Variants in POLA1 observed in about 807,000 individuals in gnomAD.
The protein encoded by POLA1 is DNA polymerase alpha catalytic subunit.
In POLA1, 15 loss-of-function variants were observed where a neutral mutation model predicts 124.0. That is an observed-to-expected ratio of 0.12 (90% CI 0.08 to 0.19). The LOEUF (loss-of-function observed/expected upper bound fraction) is 0.19. Ranked by LOEUF, POLA1 falls within the 10% of genes least tolerant of loss-of-function variation. The pLI, the probability that POLA1 is intolerant of heterozygous loss-of-function variation, is 1.00. For synonymous variants in POLA1, 408 were observed against 389.4 expected, an observed-to-expected ratio of 1.05 and a Z score of -0.56; for missense variants, 886 against 1,103.4, an observed-to-expected ratio of 0.80 and a Z score of 2.79.
intron 15 of POLA1, among the ~76,000 whole-genome samples, chrX:24,731,558 A>T (rs1299187687): frequency 9.0e-6 from 1 of 111,513 alleles, no homozygotes; most frequent in Non-Finnish European, 1.9e-5. Flanking sequence ...GCTGGGTGAG[A>T]TTTTGCCTCT....
intron 35 of POLA1, among the ~76,000 whole-genome samples, chrX:24,901,036 G>A (rs1020027476): frequency 1.1e-4 from 12 of 111,607 alleles, no homozygotes; most frequent in Admixed American, 5.7e-4. Flanking sequence ...ACCTACTCTG[G>A]ACCAACACTG....
intron 26 of POLA1, among the ~76,000 whole-genome samples, chrX:24,779,024 T>G (rs2045202761): frequency 4.5e-5 from 5 of 111,990 alleles, no homozygotes. Context: ...TGGACACTAC[T>G]GATTTAGCTA....
At chrX:24,716,290 G>C (rs1276007442) in intron 6 of POLA1, 72 bp from the exon 7 acceptor site, 1 of 561,784 alleles carries the variant, frequency 1.8e-6, no homozygotes, top group African/African-American at 2.3e-5. Flanking sequence ...GCTTCAATGA[G>C]TGAAGAAGTA....
intron 26 of POLA1, among the ~76,000 whole-genome samples, chrX:24,766,893 A>G (rs1286722314): frequency 8.9e-6 from 1 of 112,264 alleles, no homozygotes. Flanking sequence ...TCTTAAAGCA[A>G]GATTGTTTAA....
chrX:24,786,886 A>G (rs2045376616), intron 26 of POLA1, among the ~76,000 whole-genome samples: 1 of 106,289 alleles, frequency 9.4e-6, no homozygotes, highest in African/African-American at 3.4e-5. Context: ...GGGTTTTGCC[A>G]TGTTGCTCAG....
At position 24,966,469 on chromosome X, in the gene POLA1, G is replaced by A. The variant is rs188107630; in HGVS notation, c.4262-29336G>A. Among the ~76,000 whole-genome samples, 225 of 110,851 alleles carry A rather than the reference G, an allele frequency of 2.0e-3. 1 individual carries two copies. Among genetic ancestry groups the A allele is most frequent in the African/African-American group, 7.1e-3 (212 of 29,978 alleles). ...CTTTTTTACTTTTTTATCCTTTTGGGTTTATCAAGTCCTTATTTTAAGATT... is the reference window on the plus strand; with the variant it reads ...CTTTTTTACTTTTTTATCCTTTTGGATTTATCAAGTCCTTATTTTAAGATT... On this transcript the variant is annotated intron_variant, in intron 36 of 36. Coordinates refer to ENST00000379068, the MANE Select transcript of POLA1 (RefSeq NM_001330360.2).
chrX:24,959,721 T>C (rs964681176), intron 36 of POLA1, among the ~76,000 whole-genome samples: 6 of 111,803 alleles, frequency 5.4e-5, no homozygotes, highest in Non-Finnish European at 9.4e-5. Context: ...ATATACCTCA[T>C]TAATATTCAT....
chrX:24,935,691 T>G (rs1403507123), intron 36 of POLA1, among the ~76,000 whole-genome samples: 1 of 112,406 alleles, frequency 8.9e-6, no homozygotes, highest in African/African-American at 3.2e-5. Flanking sequence ...CTTCTGTCTT[T>G]TCTTTAGGCC....
Position 24,812,659 on chromosome X carries a change from T to C in POLA1, c.3092T>C (p.Val1031Ala). 8.6e-6 allele frequency: 10 copies of C among 1,157,523 alleles called. No individual in the cohort carries two copies. Among genetic ancestry groups the C allele is most frequent in the Non-Finnish European group, 1.2e-5 (10 of 850,589 alleles). Residue 1031 changes from valine (V) to alanine (A), a missense_variant and splice_region_variant, in exon 29 of 37, where the codon GTA becomes GCA. This residue lies in a region of POLA1 where 313 missense variants were observed against 359.7 expected (regional missense o/e 0.87). Coordinates refer to ENST00000379068, the MANE Select transcript of POLA1 (RefSeq NM_001330360.2). ...TACTAATATTTGAAATTTTCACAGG[T>C]AAAAAGTGAAGTGAATAAGTTGTAC... is the stretch of plus-strand genomic sequence containing the variant. ...LEEVFKLGNKVKSEVNKLYKL... is the reference protein window; with the variant it reads ...LEEVFKLGNKAKSEVNKLYKL...
chrX:24,777,064 G>C (rs896310460), intron 26 of POLA1, among the ~76,000 whole-genome samples: 2 of 112,019 alleles, frequency 1.8e-5, no homozygotes, highest in African/African-American at 3.2e-5. Context: ...AGCAATGTTT[G>C]ACTGAATCCC....
chrX:24,703,389 G>C, intron 3 of POLA1, 42 bp downstream of exon 3: 1 of 940,868 alleles, frequency 1.1e-6, no homozygotes, highest in Non-Finnish European at 1.5e-6. Flanking sequence ...TGCTTCCTAG[G>C]CACTGTGTTA....
chrX:24,723,409 C>G, intron 11 of POLA1, 142 bp downstream of exon 11: 1 of 445,476 alleles, frequency 2.2e-6, no homozygotes, highest in South Asian at 3.9e-5. Flanking sequence ...TGCCTGGTGA[C>G]CACTGATTGT....
chrX:24,710,395 G>T (rs1362171292), intron 4 of POLA1, among the ~76,000 whole-genome samples: 3 of 111,463 alleles, frequency 2.7e-5, no homozygotes, highest in Non-Finnish European at 3.8e-5. Context: ...TATCTTTTGT[G>T]TTTGGCTTTG....
At chrX:24,796,794 C>T (rs1371173580) in intron 26 of POLA1, among the ~76,000 whole-genome samples, 2 of 111,581 alleles carry the variant, frequency 1.8e-5, no homozygotes, top group Admixed American at 1.9e-4. Context: ...CTGTGATCTC[C>T]ATTGAGGTGT....
chrX:24,813,819 A>C (rs1347638005), intron 29 of POLA1, among the ~76,000 whole-genome samples: 6 of 110,779 alleles, frequency 5.4e-5, no homozygotes, highest in Admixed American at 1.9e-4. Context: ...GTCAAAAAAA[A>C]AAAAAAAAAA....
chrX:24,995,655 G>A (rs1768859905), intron 36 of POLA1, 150 bp from the exon 37 acceptor site: 1 of 483,638 alleles, frequency 2.1e-6, no homozygotes, highest in Non-Finnish European at 3.5e-6. Flanking sequence ...GGAATGGTCG[G>A]CGGGGGCTGC....
intron 31 of POLA1, among the ~76,000 whole-genome samples, chrX:24,823,031 C>T (rs2046116004): frequency 8.9e-6 from 1 of 111,867 alleles, no homozygotes; most frequent in South Asian, 3.7e-4. Flanking sequence ...CCCTTGATGT[C>T]TGAATGTTAG....
chrX:24,987,004 C>T (rs1343847261), intron 36 of POLA1, among the ~76,000 whole-genome samples: 1 of 111,356 alleles, frequency 9.0e-6, no homozygotes, highest in African/African-American at 3.3e-5. Flanking sequence ...GACCAAGTGA[C>T]TCTCTTCTTA....
chrX:24,957,900 C>T (rs1156844744), intron 36 of POLA1, among the ~76,000 whole-genome samples: 1 of 109,765 alleles, frequency 9.1e-6, no homozygotes. Context: ...TCATGGTAGT[C>T]CTGCGTCTTG....
Sources: gnomAD v4.1 joint callset for allele counts (sites outside exome capture counted in the v4.1 genomes callset) on GRCh38, gnomAD v4.1.1 for gene constraint, gnomAD v4.1.1 regional missense constraint, MANE v1.5 for transcripts, NCBI Gene and HGNC (gene_info 2026-07-23, HGNC 2026-07-21) for gene names.